The following CNTNAP2 variants were observed in gnomAD, a reference collection of about 807,000 sequenced individuals.
CNTNAP2 encodes the protein contactin associated protein 2, also known as contactin-associated protein-like 2.
Under a neutral mutation model 155.2 loss-of-function variants are expected in CNTNAP2, and 98 were observed. That is an observed-to-expected ratio of 0.63 (90% CI 0.54 to 0.75). The LOEUF (loss-of-function observed/expected upper bound fraction) is 0.75, where lower values mean the gene tolerates loss of function less well. CNTNAP2 is among the 30% of genes least tolerant of loss of function. The pLI is 0.00. For synonymous variants in CNTNAP2, 651 were observed against 631.2 expected (o/e 1.03, Z -0.47); for missense variants, 1,727 against 1,688.1 (o/e 1.02, Z -0.40).
Position 148,364,089 on chromosome 7 carries a change from C to T in CNTNAP2, c.3476-19560C>T, listed in dbSNP as rs1585307991. ...CTGCAGCCCGCCATGCCTGAGCCTC[C>T]CACCCACTCCATGGGCTCCTGTGCG... On this transcript the variant is annotated intron_variant, in intron 21 of 23. Transcript: ENST00000361727. Among the ~76,000 whole-genome samples, 3 of 152,334 alleles carry T rather than the reference C, an allele frequency of 2.0e-5. No homozygotes were observed. The South Asian group carries it at 6.2e-4, about 32-fold the overall frequency.
intron 8 of CNTNAP2, among the ~76,000 whole-genome samples, chr7:147,165,827 C>G (rs1257951118): frequency 6.6e-6 from 1 of 152,060 alleles, no homozygotes; most frequent in Non-Finnish European, 1.5e-5. Context: ...TTCCACTGGT[C>G]TGCATGCCTA....
chr7:146,908,217 G>C (rs1024185635), intron 3 of CNTNAP2, among the ~76,000 whole-genome samples: 178 of 150,218 alleles, frequency 1.2e-3, no homozygotes, highest in South Asian at 4.1e-3. Context: ...CTTTAACACC[G>C]CACTGTCAAC....
intron 1 of CNTNAP2, among the ~76,000 whole-genome samples, chr7:146,626,287 G>A (rs1309839343): frequency 3.9e-5 from 6 of 152,108 alleles, no homozygotes; most frequent in Non-Finnish European, 7.4e-5. Flanking sequence ...GCATTCAGTT[G>A]CTTAATTAAT....
At chr7:147,472,316 G>A (rs549922100) in intron 10 of CNTNAP2, among the ~76,000 whole-genome samples, 9 of 145,002 alleles carry the variant, frequency 6.2e-5, no homozygotes, top group Non-Finnish European at 1.0e-4. Flanking sequence ...AGGTTCATGC[G>A]ATTCTCCTGC....
At chr7:147,240,797 AC>A (rs1429394923) in intron 8 of CNTNAP2, among the ~76,000 whole-genome samples, 2 of 152,244 alleles carry the variant, frequency 1.3e-5, no homozygotes, top group Non-Finnish European at 2.9e-5. Flanking sequence ...GAAAACAAAT[AC>A]TGAAGATATA....
intron 8 of CNTNAP2, among the ~76,000 whole-genome samples, chr7:147,260,037 A>G (rs1804421534): frequency 6.6e-6 from 1 of 152,170 alleles, no homozygotes; most frequent in South Asian, 2.1e-4. Flanking sequence ...GGCAAGTCAA[A>G]TGGTTTTGGA....
chr7:146,132,522 G>T (rs955881203), intron 1 of CNTNAP2, among the ~76,000 whole-genome samples: 2 of 150,224 alleles, frequency 1.3e-5, no homozygotes, highest in East Asian at 4.0e-4. Context: ...CAACTAACTC[G>T]TCATCTAGCA....
chr7:148,243,349 C>G (rs774348231), intron 20 of CNTNAP2, among the ~76,000 whole-genome samples: 1 of 152,212 alleles, frequency 6.6e-6, no homozygotes, highest in African/African-American at 2.4e-5. Context: ...CTCTGAGAAC[C>G]TGTCCTGCTA....
At chr7:146,215,418 C>T (rs1799097584) in intron 1 of CNTNAP2, among the ~76,000 whole-genome samples, 1 of 151,984 alleles carries the variant, frequency 6.6e-6, no homozygotes, top group South Asian at 2.1e-4. Flanking sequence ...TTAACCCATC[C>T]ACCTTATCAG....
chr7:147,603,914 G>A (rs1391069599), intron 12 of CNTNAP2, among the ~76,000 whole-genome samples: 9 of 150,764 alleles, frequency 6.0e-5, no homozygotes, highest in South Asian at 2.1e-4. Context: ...CAGAAATAAC[G>A]CCGCATATCT....
intron 3 of CNTNAP2, among the ~76,000 whole-genome samples, chr7:146,914,114 T>A (rs1288469032): frequency 6.6e-6 from 1 of 152,088 alleles, no homozygotes; most frequent in African/African-American, 2.4e-5. Flanking sequence ...AAAGTAATGT[T>A]TTTTTAAAAC....
chr7:147,831,450 C>G (rs1418934084), intron 13 of CNTNAP2, among the ~76,000 whole-genome samples: 3 of 152,098 alleles, frequency 2.0e-5, no homozygotes, highest in Admixed American at 1.3e-4. Flanking sequence ...TTGGATGCAT[C>G]TTGGAATCTA....
At chr7:147,366,420 A>G (rs1166555569) in intron 9 of CNTNAP2, among the ~76,000 whole-genome samples, 3 of 151,918 alleles carry the variant, frequency 2.0e-5, no homozygotes, top group African/African-American at 7.2e-5. Context: ...CATAAAATCT[A>G]ATTTTCTCAT....
chr7:147,859,976 G>A (rs1799108845), intron 13 of CNTNAP2, among the ~76,000 whole-genome samples: 1 of 152,038 alleles, frequency 6.6e-6, no homozygotes, highest in South Asian at 2.1e-4. Context: ...TATTTCGTAT[G>A]GTTTGGCTCT....
chr7:148,260,257 G>C (rs922456969), intron 20 of CNTNAP2, among the ~76,000 whole-genome samples: 2 of 152,114 alleles, frequency 1.3e-5, no homozygotes, highest in African/African-American at 4.8e-5. Flanking sequence ...GAGGTGACTG[G>C]GCTAGTTCAA....
At chr7:147,491,989 A>C (rs1584768359) in intron 11 of CNTNAP2, among the ~76,000 whole-genome samples, 1 of 152,186 alleles carries the variant, frequency 6.6e-6, no homozygotes, top group East Asian at 1.9e-4. Flanking sequence ...TCATTACTGA[A>C]ATTTGTGAGA....
At chr7:148,270,333 A>G (rs1404995513) in intron 21 of CNTNAP2, among the ~76,000 whole-genome samples, 3 of 152,212 alleles carry the variant, frequency 2.0e-5, no homozygotes, top group Non-Finnish European at 4.4e-5. Context: ...CAAACTAGGT[A>G]ACTGTGCATG....
intron 1 of CNTNAP2, among the ~76,000 whole-genome samples, chr7:146,307,821 A>G (rs942531229): frequency 6.6e-6 from 1 of 152,188 alleles, no homozygotes; most frequent in Non-Finnish European, 1.5e-5. Flanking sequence ...CCTTATACAG[A>G]AATTAATTCA....
intron 13 of CNTNAP2, among the ~76,000 whole-genome samples, chr7:147,878,585 T>C (rs1297624259): frequency 6.6e-6 from 1 of 152,202 alleles, no homozygotes; most frequent in African/African-American, 2.4e-5. Flanking sequence ...TTTATAGATT[T>C]AGGAAATAAC....
Sources: allele counts gnomAD v4.1 joint callset (sites outside exome capture counted in the v4.1 genomes callset), GRCh38; gene constraint gnomAD v4.1.1; transcripts MANE v1.5; gene names NCBI Gene and HGNC (gene_info 2026-07-23, HGNC 2026-07-21).